The following CHMP5 variants were observed in gnomAD, a reference collection of about 807,000 sequenced individuals.
CHMP5 encodes charged multivesicular body protein 5, also known as SNF7 domain containing 2.
A neutral mutation model predicts 33.0 loss-of-function variants in CHMP5; 17 were observed. That is an observed-to-expected ratio of 0.52 (90% confidence interval 0.35 to 0.77). The LOEUF is 0.77. Ranked by LOEUF, CHMP5 falls within the 30% of genes least tolerant of loss-of-function variation. The pLI is 0.01. For synonymous variants in CHMP5, 76 were observed against 90.2 expected (o/e 0.84, Z 0.89); for missense variants, 216 against 261.5 (o/e 0.83, Z 1.20).
chr9:33,279,096 T>C (rs1820889527), intron 7 of CHMP5, among the ~76,000 whole-genome samples: 1 of 152,130 alleles, frequency 6.6e-6, no homozygotes, highest in Non-Finnish European at 1.5e-5. Context: ...GGCTAATTTT[T>C]GTATTTTTAG....
At position 33,267,841 on chromosome 9, in the gene CHMP5, T is replaced by G. The variant is rs187674732; in HGVS notation, c.175-12T>G. 717 of 1,600,412 alleles carry G rather than the reference T, an allele frequency of 4.5e-4. 1 individual carries two copies. In the African/African-American group the frequency reaches 7.9e-3, roughly 18 times the overall value. ...TCCACCTTATTTTTATTAAATCTGTTTTTCTCTCCAGAATATGGTCAAGCA... is the reference window on the plus strand; with the variant it reads ...TCCACCTTATTTTTATTAAATCTGTGTTTCTCTCCAGAATATGGTCAAGCA... On this transcript the variant is annotated splice_polypyrimidine_tract_variant and intron_variant, in intron 2 of 7. Coordinates refer to ENST00000223500, the MANE Select transcript of CHMP5 (RefSeq NM_016410.6).
chr9:33,276,452 G>T lies in CHMP5; in HGVS notation c.388-4G>T, dbSNP rs377091208. On this transcript the variant is annotated splice_region_variant and splice_polypyrimidine_tract_variant and intron_variant, in intron 5 of 7. Coordinates refer to ENST00000223500, the MANE Select transcript of CHMP5 (RefSeq NM_016410.6). Reference sequence around the variant, plus strand: ...AGAAAATCCTCTCATATATATTTCCGTAGGATTTACAAGACCAGCTAGAGG... The same window carrying T: ...AGAAAATCCTCTCATATATATTTCCTTAGGATTTACAAGACCAGCTAGAGG... 1.3e-6 allele frequency: 2 copies of T among 1,536,186 alleles called. No individual in the cohort carries two copies. Among genetic ancestry groups the T allele is most frequent in the Non-Finnish European group, 9.0e-7 (1 of 1,112,628 alleles).
At chr9:33,266,142 G>T (rs777234521) in intron 2 of CHMP5, 28 bp downstream of exon 2, 4 of 1,489,140 alleles carry the variant, frequency 2.7e-6, no homozygotes, top group Non-Finnish European at 3.7e-6. Context: ...TGCTGCACAA[G>T]GTGCTGGCAG....
chr9:33,274,765 GCCA>G (rs1820833414), intron 5 of CHMP5, among the ~76,000 whole-genome samples: 1 of 152,110 alleles, frequency 6.6e-6, no homozygotes, highest in Non-Finnish European at 1.5e-5. Flanking sequence ...ACAGGCGCAT[GCCA>G]CCATGCCTGG....
intron 2 of CHMP5, 43 bp from the exon 3 acceptor site, chr9:33,267,810 G>A: frequency 7.3e-7 from 1 of 1,369,870 alleles, no homozygotes; most frequent in Non-Finnish European, 1.0e-6. Flanking sequence ...TACCGTATAT[G>A]TGTTTTCCAC....
In CHMP5 at chr9:33,267,878, G is replaced by C; in HGVS notation, c.200G>C (p.Arg67Pro). Residue 67 changes from arginine (R) to proline (P), a missense_variant, in exon 3 of 8, where the codon CGA becomes CCA. Physicochemically the swap from Arg to Pro is moderately radical, Grantham distance 103. Transcript: ENST00000223500. ...AKNMVKQKALRVLKQKRMYEQ... is the reference protein window; with the variant it reads ...AKNMVKQKALPVLKQKRMYEQ... ...AATATGGTCAAGCAGAAAGCCTTGC[G>C]AGTTTTAAAGCAAAAGAGGATGTAA... 6.2e-7 allele frequency: 1 copy of C among 1,611,336 alleles called. No homozygotes were observed. The highest frequency in any genetic ancestry group is 8.5e-7 in the Non-Finnish European group (1 of 1,177,704).
chr9:33,276,259 TAAAA>T (rs1199309987), intron 5 of CHMP5, among the ~76,000 whole-genome samples, 193 bp from the exon 6 acceptor site: 2 of 152,174 alleles, frequency 1.3e-5, no homozygotes, highest in Non-Finnish European at 2.9e-5. Context: ...TTGTTAACAT[TAAAA>T]AATTGCTAGC....
At chr9:33,273,772 A>G (rs1404105955) in intron 5 of CHMP5, among the ~76,000 whole-genome samples, 2 of 150,974 alleles carry the variant, frequency 1.3e-5, no homozygotes, top group Non-Finnish European at 3.0e-5. Flanking sequence ...GAACCAGTTA[A>G]TGGTTTGTGG....
intron 6 of CHMP5, chr9:33,277,907 C>T: frequency 2.2e-6 from 1 of 460,694 alleles, no homozygotes; most frequent in Non-Finnish European, 4.0e-6. Context: ...TCTCTACCTG[C>T]TATTGTCATT....
rs921626231 is a variant in CHMP5, at chr9:33,266,050, G to T, written c.110G>T (p.Arg37Leu). The change falls in exon 2 of 8, where the codon CGA becomes CTA. Residue 37 changes from arginine (R) to leucine (L), a missense_variant. Physicochemically the swap from Arg to Leu is moderately radical, Grantham distance 102. Transcript: ENST00000223500. ...GAATCCATTGACAAGAAGATTTCTC[G>T]ATTGGATGCTGAGCTAGTGAAGTAT... ...RAESIDKKIS[R>L]LDAELVKYKD... is the part of the protein sequence containing the mutation. The T allele has an allele frequency of 3.1e-6, 5 of 1,613,274 alleles. No individual in the cohort carries two copies. The highest frequency in any genetic ancestry group is 3.3e-5 in the Admixed American group (2 of 59,996).
chr9:33,277,190 C>CAAAAAAAAA (rs59657807), intron 6 of CHMP5, among the ~76,000 whole-genome samples: 1 of 53,406 alleles, frequency 1.9e-5, no homozygotes, highest in African/African-American at 6.2e-5. Context: ...GACCTTCTCT[C>CAAAAAAAAA]AAAAAAAAAA....
At chr9:33,280,733 T>A (rs1820911927) in intron 7 of CHMP5, 76 bp from the exon 8 acceptor site, 1 of 1,339,240 alleles carries the variant, frequency 7.5e-7, no homozygotes, top group Non-Finnish European at 1.1e-6. Context: ...GAGTTTTAAC[T>A]ATTAAATGTT....
chr9:33,270,893 C>A (rs1820786663), intron 4 of CHMP5, among the ~76,000 whole-genome samples, 177 bp downstream of exon 4: 1 of 152,088 alleles, frequency 6.6e-6, no homozygotes, highest in Non-Finnish European at 1.5e-5. Flanking sequence ...ACCAGCCTGA[C>A]CAACATGGTG....
intron 7 of CHMP5, among the ~76,000 whole-genome samples, chr9:33,278,729 A>C (rs888369979): frequency 1.3e-5 from 2 of 152,166 alleles, no homozygotes; most frequent in Admixed American, 1.3e-4. Flanking sequence ...TTAATGTAGA[A>C]AGATTCTAAT....
rs377277774 is a variant in CHMP5, at chr9:33,265,111, G to A, written c.33G>A (p.Lys11=). Residue 11 remains lysine, a synonymous_variant, in exon 1 of 8, where the codon AAG becomes AAA. Coordinates refer to ENST00000223500, the MANE Select transcript of CHMP5 (RefSeq NM_016410.6). ...GACTCTTCGGGAAAGCGAAACCCAAGGCTCCGCCGCCCAGCCTGACTGACT... is the reference window on the plus strand; with the variant it reads ...GACTCTTCGGGAAAGCGAAACCCAAAGCTCCGCCGCCCAGCCTGACTGACT... MNRLFGKAKP[K]APPPSLTDCI... is the part of the protein sequence containing the mutation. The A allele has an allele frequency of 6.2e-7, 1 of 1,614,060 alleles. No individual in the cohort carries two copies. Among genetic ancestry groups the A allele is most frequent in the Admixed American group, 1.7e-5 (1 of 60,006 alleles).
At chr9:33,266,698 A>G (rs1188801671) in intron 2 of CHMP5, among the ~76,000 whole-genome samples, 2 of 152,208 alleles carry the variant, frequency 1.3e-5, no homozygotes, top group Non-Finnish European at 2.9e-5. Context: ...GAAGGTGGTA[A>G]TCTGGAGAGG....
At chr9:33,274,670 C>T (rs771359593) in intron 5 of CHMP5, among the ~76,000 whole-genome samples, 6 of 152,218 alleles carry the variant, frequency 3.9e-5, no homozygotes, top group East Asian at 1.9e-4. Context: ...GGCTAGAGTG[C>T]GGTGGCGCGA....
chr9:33,275,491 A>C (rs1429002262), intron 5 of CHMP5, among the ~76,000 whole-genome samples: 5 of 151,690 alleles, frequency 3.3e-5, no homozygotes, highest in South Asian at 2.1e-4. Context: ...AGTTGTTTCT[A>C]CTCTTGCCTC....
chr9:33,277,385 G>C (rs986609690), intron 6 of CHMP5, among the ~76,000 whole-genome samples: 4 of 152,098 alleles, frequency 2.6e-5, no homozygotes, highest in African/African-American at 9.7e-5. Context: ...ACAGACTATA[G>C]GGAAGAAGTA....
Sources: gnomAD v4.1 joint callset for allele counts (sites outside exome capture counted in the v4.1 genomes callset) on GRCh38, gnomAD v4.1.1 for gene constraint, MANE v1.5 for transcripts, NCBI Gene and HGNC (gene_info 2026-07-23, HGNC 2026-07-21) for gene names.